LAT2: variants seen among roughly 807,000 people sequenced by gnomAD.
LAT2 encodes the protein linker for activation of T-cells family member 2.
Under a neutral mutation model 43.4 loss-of-function variants are expected in LAT2, and 23 were observed. That is an observed-to-expected ratio of 0.53 (90% CI 0.38 to 0.75). The LOEUF (loss-of-function observed/expected upper bound fraction) is 0.75, where lower values mean the gene tolerates loss of function less well. LAT2 is among the 30% of genes least tolerant of loss of function. The probability of loss-of-function intolerance (pLI) is 0.00; values close to 1 mark genes in which losing one functional copy is unlikely to be tolerated. For missense variants in LAT2, 284 were observed against 310.2 expected (o/e 0.92, Z 0.64); for synonymous variants, 128 against 123.2 (o/e 1.04, Z -0.26).
At chr7:74,216,622 T>C (rs1442767913) in intron 3 of LAT2, among the ~76,000 whole-genome samples, 2 of 152,130 alleles carry the variant, frequency 1.3e-5, no homozygotes, top group Non-Finnish European at 2.9e-5. Flanking sequence ...TCCTCCCGCC[T>C]CGGCCCAAAG....
intron 1 of LAT2, among the ~76,000 whole-genome samples, chr7:74,211,604 C>G (rs1213962710): frequency 6.6e-6 from 1 of 151,866 alleles, no homozygotes; most frequent in African/African-American, 2.4e-5. Flanking sequence ...ACTAGAGGCG[C>G]CTGCCACCAC....
At chr7:74,226,491 A>G (rs1802491376) in intron 13 of LAT2, 1 of 150,548 alleles carries the variant, frequency 6.6e-6, no homozygotes, top group African/African-American at 2.4e-5. Context: ...ACCCCATCTC[A>G]AAAAAAAAAT....
intron 10 of LAT2, among the ~76,000 whole-genome samples, chr7:74,222,335 A>G (rs1802317564): frequency 6.9e-6 from 1 of 145,796 alleles, no homozygotes; most frequent in African/African-American, 2.5e-5. Context: ...CGGGAGGCGG[A>G]GGCTGCAGTG....
chr7:74,222,718 C>A (rs960595663), intron 10 of LAT2, among the ~76,000 whole-genome samples: 11 of 152,058 alleles, frequency 7.2e-5, no homozygotes, highest in Non-Finnish European at 1.5e-4. Context: ...AGATTACAGG[C>A]GCCTGCCACC....
intron 10 of LAT2, 42 bp from the exon 11 acceptor site, chr7:74,223,682 G>A (rs1802374122): frequency 6.3e-7 from 1 of 1,581,884 alleles, no homozygotes; most frequent in Non-Finnish European, 8.7e-7. Flanking sequence ...GGCTTTGCAG[G>A]GTCTGCCCAC....
At chr7:74,216,117 C>T (rs879974272) in intron 3 of LAT2, 48 bp downstream of exon 3, 6 of 1,479,586 alleles carry the variant, frequency 4.1e-6, no homozygotes, top group Non-Finnish European at 5.5e-6. Flanking sequence ...GTGGACAGTG[C>T]ATCTCAGAGG....
In LAT2 at chr7:74,220,721, G is replaced by A. The variant is rs1181518376; in HGVS notation, c.319G>A (p.Glu107Lys). Residue 107 changes from glutamate to lysine, a missense_variant, in exon 9 of 14, where the codon GAG (glutamate) becomes AAG (lysine). By Grantham distance (56) the Glu-to-Lys change is moderately conservative. Coordinates refer to ENST00000460943, the MANE Select transcript of LAT2 (RefSeq NM_032464.3). This position sits in a 1 kb window ranked among gnomAD's most constrained non-coding sequence, Gnocchi z 4.5. Reference sequence around the variant, plus strand: ...TCCCGCAGGAAGCAGACACGGGTCGGAGGAAGCCTACATGTGAGTGACCTT... The same window carrying A: ...TCCCGCAGGAAGCAGACACGGGTCGAAGGAAGCCTACATGTGAGTGACCTT... ...NFSKGSRHGS[E>K]EAYIDPIAME... is the part of the protein sequence containing the mutation. 1 of 1,604,236 alleles carries A rather than the reference G, an allele frequency of 6.2e-7. No homozygotes were observed. The highest frequency in any genetic ancestry group is 8.5e-7 in the Non-Finnish European group (1 of 1,172,864).
At chr7:74,227,258 G>A (rs1426276653) in intron 13 of LAT2, among the ~76,000 whole-genome samples, 3 of 151,800 alleles carry the variant, frequency 2.0e-5, no homozygotes, top group African/African-American at 7.3e-5. Flanking sequence ...GTCTCGCTCT[G>A]TCACCCAGGC....
intron 4 of LAT2, 118 bp from the exon 5 acceptor site, chr7:74,219,626 C>A: frequency 1.7e-6 from 2 of 1,207,638 alleles, no homozygotes; most frequent in Non-Finnish European, 2.4e-6. Context: ...TCCCCACTGT[C>A]GCCCCAGTCC....
At position 74,219,795 on chromosome 7, in the gene LAT2, T is replaced by TC; in HGVS notation, c.178+10dup. 1 of 1,614,012 alleles carries TC rather than the reference T, an allele frequency of 6.2e-7. No individual in the cohort carries two copies. The highest frequency in any genetic ancestry group is 8.5e-7 in the Non-Finnish European group (1 of 1,179,994). On this transcript the variant is annotated intron_variant, in intron 5 of 13. Transcript: ENST00000460943. ...GGTCCCGGACCTACTCCTGTGAGTC[T>TC]CCAAGTGTCCCCGGGTTGGGCTCTG...
At position 74,213,264 on chromosome 7, in the gene LAT2, C is replaced by T. The variant is rs1801792820; in HGVS notation, c.-218-1558C>T. Among the ~76,000 whole-genome samples the T allele has an allele frequency of 2.7e-5, 4 of 150,492 alleles. No homozygotes were observed. In the South Asian group the frequency reaches 8.4e-4, roughly 32 times the overall value. ...TCCTGAGTAGCTGGGATTACAGGCG[C>T]CCACCACCACACCTGGCTAATTTTT... On this transcript the variant is annotated intron_variant, in intron 1 of 13. Coordinates refer to ENST00000460943, the MANE Select transcript of LAT2 (RefSeq NM_032464.3).
chr7:74,221,046 G>A (rs1245799281), intron 9 of LAT2, among the ~76,000 whole-genome samples: 1 of 152,158 alleles, frequency 6.6e-6, no homozygotes, highest in Non-Finnish European at 1.5e-5. Context: ...ACAAGCTACA[G>A]GACACCCAGA....
At chr7:74,216,465 G>A (rs782545077) in intron 3 of LAT2, among the ~76,000 whole-genome samples, 8 of 151,948 alleles carry the variant, frequency 5.3e-5, no homozygotes, top group Non-Finnish European at 7.4e-5. Context: ...TCCAACTCTC[G>A]GGTTGAAGCG....
intron 13 of LAT2, 26 bp downstream of exon 13, chr7:74,224,786 G>A (rs1192893859): frequency 5.4e-6 from 8 of 1,468,628 alleles, no homozygotes; most frequent in Non-Finnish European, 4.6e-6. Flanking sequence ...TCCAGCTGCC[G>A]TGGGCCAAGG....
chr7:74,214,836 C>T lies in LAT2; in HGVS notation c.-204C>T, dbSNP rs1367170765. ...TTTTTTTGTAGAGATGGAATTTCACCGTGTTGCCTAGGCTGGTCTGGAGCT... is the reference window on the plus strand; with the variant it reads ...TTTTTTTGTAGAGATGGAATTTCACTGTGTTGCCTAGGCTGGTCTGGAGCT... On this transcript the variant is annotated 5_prime_UTR_variant, in exon 2 of 14. Coordinates refer to ENST00000460943, the MANE Select transcript of LAT2 (RefSeq NM_032464.3). The T allele has an allele frequency of 3.3e-5, 4 of 122,862 alleles. No homozygotes were observed. Among genetic ancestry groups the T allele is most frequent in the Admixed American group, 9.7e-5 (1 of 10,272 alleles). The allele number at this position is 122,862 out of a possible 1,614,324, so 7.6% of individuals were successfully genotyped here.
intron 11 of LAT2, 26 bp from the exon 12 acceptor site, chr7:74,223,991 AG>A (rs34624469): frequency 6.2e-7 from 1 of 1,608,410 alleles, no homozygotes. Flanking sequence ...GACTGAGCCA[AG>A]GGGGGCCTAT....
chr7:74,218,366 G>GGGC (rs1802121439), intron 4 of LAT2, among the ~76,000 whole-genome samples: 1 of 152,168 alleles, frequency 6.6e-6, no homozygotes. Flanking sequence ...TTGGAAGGCT[G>GGGC]GGCCAGGTAC....
At chr7:74,213,616 G>A (rs754202641) in intron 1 of LAT2, among the ~76,000 whole-genome samples, 6 of 151,620 alleles carry the variant, frequency 4.0e-5, no homozygotes, top group Admixed American at 6.6e-5. Flanking sequence ...GTAGAGATGG[G>A]GTTTCACCAT....
chr7:74,220,085 T>G lies in LAT2; in HGVS notation c.227+77T>G. The G allele has an allele frequency of 1.9e-6, 3 of 1,569,628 alleles. No homozygotes were observed. In the East Asian group the frequency reaches 6.8e-5, roughly 36 times the overall value. The stretch of plus-strand genomic sequence containing the variant: ...CACCTGGTGAGCCCAGGTCAAGACC[T>G]CCCTCCCTCCCCGAGTCCCAGAGCT... On this transcript the variant is annotated intron_variant, in intron 6 of 13. Transcript: ENST00000460943. This position sits in a 1 kb window ranked among gnomAD's most constrained non-coding sequence, Gnocchi z 4.5.
Sources: gnomAD v4.1 joint callset for allele counts (sites outside exome capture counted in the v4.1 genomes callset) on GRCh38, gnomAD v4.1.1 for gene constraint, Gnocchi (gnomAD v3.1) non-coding constraint, MANE v1.5 for transcripts, NCBI Gene and HGNC (gene_info 2026-07-23, HGNC 2026-07-21) for gene names.